Variants in SLC12A2 observed in about 807,000 individuals in gnomAD.
SLC12A2 encodes the protein solute carrier family 12 member 2.
SLC12A2 carries 67 observed loss-of-function variants against 136.3 expected under a neutral mutation model. That is an observed-to-expected ratio of 0.49 (90% CI 0.40 to 0.60). SLC12A2 has a LOEUF of 0.60. Ranked by LOEUF, SLC12A2 falls within the 20% of genes least tolerant of loss-of-function variation. SLC12A2 has a pLI of 0.00. For missense variants in SLC12A2, 1,322 were observed against 1,534.7 expected, an observed-to-expected ratio of 0.86 and a Z score of 2.32; for synonymous variants, 619 against 562.9, an observed-to-expected ratio of 1.10 and a Z score of -1.41.
intron 4 of SLC12A2, among the ~76,000 whole-genome samples, chr5:128,115,406 T>G (rs1452423230): frequency 6.6e-6 from 1 of 152,176 alleles, no homozygotes; most frequent in African/African-American, 2.4e-5. Context: ...ATTACAGGTG[T>G]GAGCCACCGC....
chr5:128,092,433 G>A (rs559339072), intron 1 of SLC12A2, among the ~76,000 whole-genome samples: 2 of 152,312 alleles, frequency 1.3e-5, no homozygotes, highest in South Asian at 2.1e-4. Context: ...CCAGTCCGAA[G>A]TTTGGACTAG....
intron 26 of SLC12A2, among the ~76,000 whole-genome samples, chr5:128,185,984 G>C (rs1763853783): frequency 6.6e-6 from 1 of 152,148 alleles, no homozygotes; most frequent in African/African-American, 2.4e-5. Context: ...ACTGAGGTGG[G>C]AGGATTGCTT....
chr5:128,135,965 C>A (rs1762178761), intron 7 of SLC12A2, among the ~76,000 whole-genome samples, 157 bp downstream of exon 7: 1 of 152,006 alleles, frequency 6.6e-6, no homozygotes, highest in Non-Finnish European at 1.5e-5. Flanking sequence ...TTATGCTGTA[C>A]AGTTGGAGTA....
At chr5:128,094,524 A>G (rs1194690074) in intron 1 of SLC12A2, among the ~76,000 whole-genome samples, 1 of 152,040 alleles carries the variant, frequency 6.6e-6, no homozygotes, top group Non-Finnish European at 1.5e-5. Context: ...TTAATACTGC[A>G]TAAGCTCTTG....
intron 1 of SLC12A2, among the ~76,000 whole-genome samples, chr5:128,112,378 A>T (rs1761182241): frequency 6.6e-6 from 1 of 152,186 alleles, no homozygotes; most frequent in African/African-American, 2.4e-5. Flanking sequence ...AAAAAAACAT[A>T]TTCGTTGGTG....
chr5:128,146,010 C>T (rs977280070), intron 10 of SLC12A2, among the ~76,000 whole-genome samples: 6 of 151,934 alleles, frequency 3.9e-5, no homozygotes, highest in Non-Finnish European at 5.9e-5. Context: ...AACTCCTCCA[C>T]TTTAATTTTG....
intron 1 of SLC12A2, among the ~76,000 whole-genome samples, chr5:128,106,123 T>A (rs1283036230): frequency 6.6e-6 from 1 of 152,216 alleles, no homozygotes; most frequent in Admixed American, 6.5e-5. Flanking sequence ...TTTTGAAAGA[T>A]TATTTTCTGG....
Position 128,188,568 on chromosome 5 carries a change from C to G in SLC12A2, c.*1937C>G, listed in dbSNP as rs1454140683. 1.3e-5 allele frequency: 2 copies of G among 152,020 alleles called. No individual in the cohort carries two copies. Among genetic ancestry groups the G allele is most frequent in the African/African-American group, 2.4e-5 (1 of 41,364 alleles). 9.4% of individuals were successfully genotyped at this position (152,020 alleles called of 1,614,324 possible). ...TCAGCCTCCCAGAGTGCTGGGATTA[C>G]AGGTGCGAGCCACTGCGCCTGGCTG... On this transcript the variant is annotated 3_prime_UTR_variant, in exon 27 of 27. Coordinates refer to ENST00000262461, the MANE Select transcript of SLC12A2 (RefSeq NM_001046.3).
At chr5:128,125,810 CAA>C (rs1486434726) in intron 4 of SLC12A2, among the ~76,000 whole-genome samples, 1 of 152,160 alleles carries the variant, frequency 6.6e-6, no homozygotes, top group Admixed American at 6.5e-5. Flanking sequence ...TGGACAATCT[CAA>C]ATTAATTTTG....
intron 25 of SLC12A2, 36 bp from the exon 26 acceptor site, chr5:128,184,753 A>C (rs764490849): frequency 6.2e-7 from 1 of 1,609,890 alleles, no homozygotes; most frequent in South Asian, 1.1e-5. Flanking sequence ...TCTTATTTCC[A>C]CATGGTCTAG....
In SLC12A2 at chr5:128,084,391, C is replaced by T. The variant is rs753956161; in HGVS notation, c.437C>T (p.Pro146Leu). 19 of 1,609,108 alleles carry T rather than the reference C, an allele frequency of 1.2e-5. No homozygotes were observed. Among genetic ancestry groups the T allele is most frequent in the South Asian group, 2.2e-5 (2 of 90,834 alleles). ...KGRFRVNFVDPAASSSAEDSL... is the reference protein window; with the variant it reads ...KGRFRVNFVDLAASSSAEDSL... The stretch of plus-strand genomic sequence containing the variant: ...CGCTTCCGCGTGAACTTCGTGGACC[C>T]AGCTGCCTCCTCGTCGGCTGAAGAC... The change falls in exon 1 of 27, where the codon CCA (proline) becomes CTA (leucine). Residue 146 changes from proline to leucine, a missense_variant. Around this residue, in one of 8 missense-constraint regions of SLC12A2, gnomAD observed 358 missense variants for 299.7 expected, o/e 1.19. Coordinates refer to ENST00000262461, the MANE Select transcript of SLC12A2 (RefSeq NM_001046.3). This position sits in a 1 kb window ranked among gnomAD's most constrained non-coding sequence, Gnocchi z 5.6.
chr5:128,155,105 G>A (rs1762833974), intron 15 of SLC12A2, among the ~76,000 whole-genome samples: 1 of 152,128 alleles, frequency 6.6e-6, no homozygotes, highest in Admixed American at 6.6e-5. Flanking sequence ...CAGGACAGAT[G>A]TTGGGCAGGC....
Position 128,174,525 on chromosome 5 carries a change from A to G in SLC12A2, c.2804-16A>G. On this transcript the variant is annotated splice_polypyrimidine_tract_variant and intron_variant, in intron 19 of 26. Transcript: ENST00000262461. The stretch of plus-strand genomic sequence containing the variant: ...ATATGACTTAGATACTATTTTAAAT[A>G]ATTTTCTGTCTACAGAAGAATTATT... The G allele has an allele frequency of 6.3e-7, 1 of 1,578,752 alleles. No individual in the cohort carries two copies. Among genetic ancestry groups the G allele is most frequent in the South Asian group, 1.2e-5 (1 of 86,400 alleles).
chr5:128,098,529 G>A (rs1032940356), intron 1 of SLC12A2, among the ~76,000 whole-genome samples: 2 of 149,654 alleles, frequency 1.3e-5, no homozygotes, highest in Non-Finnish European at 3.0e-5. Flanking sequence ...ACATTTTCCT[G>A]TTTATTTGGA....
At chr5:128,109,972 A>T in intron 1 of SLC12A2, 1 of 948,462 alleles carries the variant, frequency 1.1e-6, no homozygotes, top group Non-Finnish European at 1.7e-6. Flanking sequence ...ATTCAGAGAG[A>T]TCTGGCACAT....
At position 128,182,929 on chromosome 5, in the gene SLC12A2, CAAAG is replaced by C. The variant is rs776861731; in HGVS notation, c.3295_3298del (p.Glu1099IlefsTer3). Reference sequence around the variant, plus strand: ...GTTCTAGGAGATATCAATACCAAACCAAAGAAAGAAAAGTAAGTTACTCTACAAA... The same window carrying C: ...GTTCTAGGAGATATCAATACCAAACCAAAGAAAAGTAAGTTACTCTACAAA... On this transcript the variant is annotated frameshift_variant, in exon 24 of 27. Transcript: ENST00000262461. LOFTEE classifies it high-confidence loss of function. 1 of 1,603,980 alleles carries C rather than the reference CAAAG, an allele frequency of 6.2e-7. No homozygotes were observed. The highest frequency in any genetic ancestry group is 1.3e-5 in the African/African-American group (1 of 74,812).
chr5:128,094,755 A>T (rs188199990), intron 1 of SLC12A2, among the ~76,000 whole-genome samples: 11 of 152,202 alleles, frequency 7.2e-5, no homozygotes, highest in African/African-American at 2.4e-4. Flanking sequence ...ATATCTTCCA[A>T]AAGTATGATA....
In SLC12A2 at chr5:128,161,760, A is replaced by C. The variant is rs1763046998; in HGVS notation, c.2576A>C (p.His859Pro). The C allele has an allele frequency of 1.3e-6, 2 of 1,512,362 alleles. No homozygotes were observed. Among genetic ancestry groups the C allele is most frequent in the Admixed American group, 4.3e-5 (2 of 46,090 alleles). 93.7% of individuals were successfully genotyped at this position (1,512,362 alleles called of 1,614,324 possible). A position where few individuals can be genotyped will look rare whatever the true frequency, so the allele number is the denominator to read the frequency against. ...ATGAAGGCATTTTATGCTCCAGTAC[A>C]TGCAGATGACTTGAGAGAAGGTGCA... ...NKMKAFYAPV[H>P]ADDLREGAQY... Residue 859 changes from histidine (H) to proline (P), a missense_variant, in exon 17 of 27, where the codon CAT becomes CCT. By Grantham distance (77) the His-to-Pro change is moderately conservative. Coordinates refer to ENST00000262461, the MANE Select transcript of SLC12A2 (RefSeq NM_001046.3).
chr5:128,094,993 G>A (rs1760471353), intron 1 of SLC12A2, among the ~76,000 whole-genome samples: 1 of 152,084 alleles, frequency 6.6e-6, no homozygotes, highest in African/African-American at 2.4e-5. Context: ...GTCAAGGGAG[G>A]TGATATCTAA....
Sources: gnomAD v4.1 joint callset for allele counts (sites outside exome capture counted in the v4.1 genomes callset) on GRCh38, gnomAD v4.1.1 for gene constraint, gnomAD v4.1.1 regional missense constraint, Gnocchi (gnomAD v3.1) non-coding constraint, MANE v1.5 for transcripts, NCBI Gene and HGNC (gene_info 2026-07-23, HGNC 2026-07-21) for gene names.